AQP9: variants seen among roughly 807,000 people sequenced by gnomAD.
AQP9 encodes the protein aquaporin-9.
In AQP9, 19 loss-of-function variants were observed where a neutral mutation model predicts 23.8. The ratio of observed to expected loss-of-function variants is 0.80; its 90% CI spans 0.56 to 1.17. The LOEUF is 1.17. AQP9 is among the 50% of genes most tolerant of loss of function. AQP9 has a pLI of 0.00. For missense variants in AQP9, 413 were observed against 362.0 expected, an observed-to-expected ratio of 1.14 and a Z score of -1.14; for synonymous variants, 153 against 131.5, an observed-to-expected ratio of 1.16 and a Z score of -1.12.
At chr15:58,164,582 A>G (rs749609453) in intron 1 of AQP9, among the ~76,000 whole-genome samples, 2 of 152,208 alleles carry the variant, frequency 1.3e-5, no homozygotes, top group Non-Finnish European at 2.9e-5. Flanking sequence ...AGGCTATAAA[A>G]TGGACTCAGG....
chr15:58,176,592 G>A (rs966463421), intron 4 of AQP9, among the ~76,000 whole-genome samples: 2 of 149,372 alleles, frequency 1.3e-5, no homozygotes, highest in African/African-American at 2.5e-5. Context: ...GACAATTTTG[G>A]TTATTTTGGT....
chr15:58,175,164 A>G, intron 4 of AQP9, 128 bp downstream of exon 4: 1 of 908,858 alleles, frequency 1.1e-6, no homozygotes, highest in Non-Finnish European at 1.7e-6. Context: ...GTTGCTGGGC[A>G]TAACCCAAGC....
At chr15:58,168,595 C>T (rs191409612) in intron 2 of AQP9, among the ~76,000 whole-genome samples, 166 of 152,296 alleles carry the variant, frequency 1.1e-3, no homozygotes, top group African/African-American at 3.7e-3. Flanking sequence ...CAGAGTCCCA[C>T]TCTGTTGCCC....
At chr15:58,170,134 A>G (rs946136829) in intron 2 of AQP9, among the ~76,000 whole-genome samples, 1 of 152,082 alleles carries the variant, frequency 6.6e-6, no homozygotes, top group African/African-American at 2.4e-5. Flanking sequence ...TCTTTCCAAT[A>G]CACTGCTCTG....
intron 1 of AQP9, among the ~76,000 whole-genome samples, chr15:58,146,132 A>G (rs889008705): frequency 1.8e-4 from 27 of 152,114 alleles, no homozygotes; most frequent in African/African-American, 5.6e-4. Context: ...TTCATCTTCA[A>G]TTTAAAGGGT....
At chr15:58,179,941 ATGACTGCAAATG>A (rs1321586468) in intron 5 of AQP9, among the ~76,000 whole-genome samples, 1 of 152,216 alleles carries the variant, frequency 6.6e-6, no homozygotes, top group African/African-American at 2.4e-5. Context: ...AGGGAAAGAC[ATGACTGCAAATG>A]TGAGAGCTGA....
intron 4 of AQP9, among the ~76,000 whole-genome samples, chr15:58,178,724 C>G (rs1566990991): frequency 6.6e-6 from 1 of 152,194 alleles, no homozygotes; most frequent in African/African-American, 2.4e-5. Flanking sequence ...TGATATCTCA[C>G]ATTGCTTTTC....
chr15:58,166,577 C>A (rs1222864565), intron 1 of AQP9, 96 bp from the exon 2 acceptor site: 2 of 1,470,434 alleles, frequency 1.4e-6, no homozygotes, highest in Non-Finnish European at 1.8e-6. Flanking sequence ...CAACCCAATC[C>A]ATGACTTTGC....
chr15:58,167,491 T>C (rs890807993), intron 2 of AQP9, among the ~76,000 whole-genome samples: 3 of 152,202 alleles, frequency 2.0e-5, no homozygotes, highest in Non-Finnish European at 2.9e-5. Context: ...AAACCATGCA[T>C]GCTGAGCACT....
In AQP9 at chr15:58,185,483, T is replaced by G. The variant is rs1329830332; in HGVS notation, c.*1348T>G. On this transcript the variant is annotated 3_prime_UTR_variant, in exon 6 of 6. Coordinates refer to ENST00000219919, the MANE Select transcript of AQP9 (RefSeq NM_020980.5). Reference sequence around the variant, plus strand: ...AAAGTGGTAGCAATTTAATCATAACTTTCATTTGCTGAAAAACATTATGAG... The same window carrying G: ...AAAGTGGTAGCAATTTAATCATAACGTTCATTTGCTGAAAAACATTATGAG... The G allele has an allele frequency of 6.6e-6, 1 of 152,650 alleles. No homozygotes were observed. The allele number at this position is 152,650 out of a possible 1,614,324, so 9.5% of individuals were successfully genotyped here.
chr15:58,157,015 T>A (rs2140603541), intron 1 of AQP9, among the ~76,000 whole-genome samples: 1 of 152,338 alleles, frequency 6.6e-6, no homozygotes, highest in South Asian at 2.1e-4. Flanking sequence ...ATCACATATA[T>A]ACGTGTGTAC....
chr15:58,158,312 A>G (rs1898305742), intron 1 of AQP9, among the ~76,000 whole-genome samples: 1 of 152,176 alleles, frequency 6.6e-6, no homozygotes, highest in Non-Finnish European at 1.5e-5. Context: ...GTGACGGCTA[A>G]AAGTTCGGGC....
At chr15:58,167,183 T>C (rs1324261195) in intron 2 of AQP9, among the ~76,000 whole-genome samples, 1 of 152,202 alleles carries the variant, frequency 6.6e-6, no homozygotes. Flanking sequence ...TGGACCTTTA[T>C]CTATAGCAAA....
At chr15:58,180,043 T>C (rs1181802475) in intron 5 of AQP9, among the ~76,000 whole-genome samples, 3 of 152,154 alleles carry the variant, frequency 2.0e-5, no homozygotes, top group Non-Finnish European at 4.4e-5. Context: ...ATGGCAAGAC[T>C]CCACACTTTC....
intron 1 of AQP9, among the ~76,000 whole-genome samples, chr15:58,159,274 A>G (rs140979350): frequency 2.3e-4 from 35 of 152,100 alleles, no homozygotes; most frequent in African/African-American, 6.5e-4. Context: ...CCTACCCCCA[A>G]ATTAAGTTGG....
At chr15:58,148,999 C>T (rs557755884) in intron 1 of AQP9, among the ~76,000 whole-genome samples, 1 of 152,270 alleles carries the variant, frequency 6.6e-6, no homozygotes, top group South Asian at 2.1e-4. Flanking sequence ...CATGCCACCA[C>T]ATATTTTATT....
intron 1 of AQP9, among the ~76,000 whole-genome samples, chr15:58,140,982 A>G (rs538712194): frequency 6.6e-6 from 1 of 152,356 alleles, no homozygotes; most frequent in African/African-American, 2.4e-5. Flanking sequence ...TAGCATTAAG[A>G]GAAAAGAAGG....
rs537889091 is a variant in AQP9 at position 58,145,508 on chromosome 15, C to CAT, written c.111+6845_111+6846dup. ...TGTCCAAAAAAAAAAAAAAATTACC[C>CAT]ATATATATATATATTTTTTAACTTA... On this transcript the variant is annotated intron_variant, in intron 1 of 5. Coordinates refer to ENST00000219919, the MANE Select transcript of AQP9 (RefSeq NM_020980.5). Among the ~76,000 whole-genome samples, 679 of 150,630 alleles carry CAT rather than the reference C, an allele frequency of 4.5e-3. 5 individuals carry two copies. Among genetic ancestry groups the CAT allele is most frequent in the South Asian group, 0.032 (154 of 4,764 alleles).
rs960942720 is a variant in AQP9, at chr15:58,172,293, C to G, written c.239-775C>G. On this transcript the variant is annotated intron_variant, in intron 2 of 5. Transcript: ENST00000219919. ...GGATCAAATCCACCTACTAACCCTA[C>G]AATGGTGTCTGGTAAGTATTTGATA... Among the ~76,000 whole-genome samples, 22 of 152,348 alleles carry G rather than the reference C, an allele frequency of 1.4e-4. 1 individual carries two copies. The highest frequency in any genetic ancestry group is 7.8e-4 in the Admixed American group (12 of 15,306).
Sources: gnomAD v4.1 joint callset for allele counts (sites outside exome capture counted in the v4.1 genomes callset) on GRCh38, gnomAD v4.1.1 for gene constraint, MANE v1.5 for transcripts, NCBI Gene and HGNC (gene_info 2026-07-23, HGNC 2026-07-21) for gene names.